Variants in ARL13B observed in about 807,000 individuals in gnomAD.
ARL13B encodes ADP-ribosylation factor-like protein 13B.
A neutral mutation model predicts 56.1 loss-of-function variants in ARL13B; 36 were observed. The ratio of observed to expected loss-of-function variants is 0.64; its 90% CI spans 0.49 to 0.85. The LOEUF (loss-of-function observed/expected upper bound fraction) is 0.85. ARL13B is among the 40% of genes least tolerant of loss of function. The probability of loss-of-function intolerance (pLI) is 0.00; values close to 1 mark genes in which losing one functional copy is unlikely to be tolerated. For synonymous variants in ARL13B, 178 were observed against 171.1 expected (o/e 1.04, Z -0.32); for missense variants, 519 against 507.1 (o/e 1.02, Z -0.23).
rs373375837 is a variant in ARL13B at position 94,049,403 on chromosome 3, T to A, written c.1025-3T>A. ...ATGAAGTTTCATGTTTATATTCTTG[T>A]AGCTAATGGTAAAAAGAAAACTAAG... On this transcript the variant is annotated splice_region_variant and splice_polypyrimidine_tract_variant and intron_variant, in intron 7 of 9. Coordinates refer to ENST00000394222, the MANE Select transcript of ARL13B (RefSeq NM_001174150.2). The A allele has an allele frequency of 8.4e-6, 13 of 1,545,670 alleles. No individual in the cohort carries two copies. In the South Asian group the frequency reaches 1.3e-4, roughly 15 times the overall value.
chr3:94,048,938 T>G (rs886736100), intron 7 of ARL13B, among the ~76,000 whole-genome samples: 7 of 152,172 alleles, frequency 4.6e-5, no homozygotes, highest in Non-Finnish European at 7.3e-5. Flanking sequence ...TTAGATTTGT[T>G]TAGGGCCTTT....
At chr3:94,034,285 A>G (rs2076729814) in intron 3 of ARL13B, among the ~76,000 whole-genome samples, 1 of 152,092 alleles carries the variant, frequency 6.6e-6, no homozygotes, top group African/African-American at 2.4e-5. Flanking sequence ...GATAATTTTT[A>G]AAGATAGGTG....
intron 3 of ARL13B, among the ~76,000 whole-genome samples, chr3:94,010,838 C>G (rs902868702): frequency 2.0e-5 from 3 of 151,732 alleles, no homozygotes; most frequent in African/African-American, 4.8e-5. Flanking sequence ...TATAATTGTA[C>G]TAATGAATAT....
In ARL13B at chr3:94,039,917, ACCAGTGG is replaced by A; in HGVS notation, c.728_734del (p.Thr243IlefsTer16). ...ACAGGAGCAGGCTGAACTCGATGGA[ACCAGTGG>A]TCTGGCTGAGTTGGACCCAGAACCA... On this transcript the variant is annotated frameshift_variant, in exon 6 of 10. Coordinates refer to ENST00000394222, the MANE Select transcript of ARL13B (RefSeq NM_001174150.2). LOFTEE classifies it high-confidence loss of function. 6.2e-7 allele frequency: 1 copy of A among 1,614,136 alleles called. No homozygotes were observed. Among genetic ancestry groups the A allele is most frequent in the Non-Finnish European group, 8.5e-7 (1 of 1,180,008 alleles).
At chr3:94,044,764 C>T (rs1352767986) in intron 7 of ARL13B, among the ~76,000 whole-genome samples, 65 of 141,626 alleles carry the variant, frequency 4.6e-4, no homozygotes, top group African/African-American at 1.7e-3. Context: ...TCTGCCCGGC[C>T]GCCCCGAATG....
At position 93,980,234 on chromosome 3, in the gene ARL13B, C is replaced by A; in HGVS notation, c.-190C>A. On this transcript the variant is annotated 5_prime_UTR_variant, in exon 1 of 10. Coordinates refer to ENST00000394222, the MANE Select transcript of ARL13B (RefSeq NM_001174150.2). ...TCAGGTTGTTCCTTGGCTAAGAGGG[C>A]AGTCGTCGCGGACCCACGCGGTTAG... 1.4e-6 allele frequency: 1 copy of A among 733,838 alleles called. No homozygotes were observed. Among genetic ancestry groups the A allele is most frequent in the East Asian group, 2.7e-5 (1 of 37,374 alleles). The allele number at this position is 733,838 out of a possible 1,614,324, so 45.5% of individuals were successfully genotyped here.
In ARL13B at chr3:93,980,399, G is replaced by A; in HGVS notation, c.-25G>A. 3 of 1,611,022 alleles carry A rather than the reference G, an allele frequency of 1.9e-6. No individual in the cohort carries two copies. The highest frequency in any genetic ancestry group is 2.5e-6 in the Non-Finnish European group (3 of 1,179,968). ...CGGTGTCCGCTCCGGGCTCGGATGG[G>A]AAGTGGTGGGAGGAGCGACCCGGGA... On this transcript the variant is annotated 5_prime_UTR_variant, in exon 1 of 10. Transcript: ENST00000394222.
chr3:94,051,051 T>C (rs2077059382), intron 9 of ARL13B, among the ~76,000 whole-genome samples, 159 bp downstream of exon 9: 1 of 152,176 alleles, frequency 6.6e-6, no homozygotes, highest in South Asian at 2.1e-4. Flanking sequence ...TTATTTAATT[T>C]TTTATTCTTA....
chr3:94,011,009 TA>T (rs981480995), intron 3 of ARL13B, among the ~76,000 whole-genome samples: 12 of 151,930 alleles, frequency 7.9e-5, no homozygotes, highest in African/African-American at 2.9e-4. Context: ...TATCTTTTTT[TA>T]ATAATGTTTC....
chr3:94,015,625 T>A (rs1440455813), intron 3 of ARL13B, among the ~76,000 whole-genome samples: 1 of 152,182 alleles, frequency 6.6e-6, no homozygotes, highest in Admixed American at 6.5e-5. Context: ...ACCTATAGGA[T>A]TAGTCTTCAG....
In ARL13B at chr3:94,043,003, A is replaced by T; in HGVS notation, c.799-12A>T. On this transcript the variant is annotated splice_polypyrimidine_tract_variant and intron_variant, in intron 6 of 9. Coordinates refer to ENST00000394222, the MANE Select transcript of ARL13B (RefSeq NM_001174150.2). ...CATCATAGTAAAGATAATGTATTTT[A>T]TTTTTTGTTAGAATGAAGGAAAACT... 1 of 1,584,132 alleles carries T rather than the reference A, an allele frequency of 6.3e-7. No homozygotes were observed. The highest frequency in any genetic ancestry group is 8.6e-7 in the Non-Finnish European group (1 of 1,161,834).
At chr3:94,053,106 AG>A (rs2077091897) in intron 9 of ARL13B, 80 bp from the exon 10 acceptor site, 1 of 1,118,484 alleles carries the variant, frequency 8.9e-7, no homozygotes, top group African/African-American at 1.5e-5. Context: ...AAATGTCTAA[AG>A]TCTAAAAAAT....
chr3:94,038,973 A>G (rs1261879779), intron 5 of ARL13B, among the ~76,000 whole-genome samples: 1 of 152,186 alleles, frequency 6.6e-6, no homozygotes, highest in African/African-American at 2.4e-5. Context: ...ACTGAACACT[A>G]TTATGGAAGT....
At chr3:94,050,736 A>T (rs2077053706) in intron 8 of ARL13B, 88 bp from the exon 9 acceptor site, 1 of 1,085,296 alleles carries the variant, frequency 9.2e-7, no homozygotes, top group Non-Finnish European at 1.4e-6. Context: ...AATGTTACAT[A>T]TGCTTCCTTT....
At chr3:94,001,166 T>A (rs953579143) in intron 2 of ARL13B, among the ~76,000 whole-genome samples, 1 of 152,058 alleles carries the variant, frequency 6.6e-6, no homozygotes, top group African/African-American at 2.4e-5. Flanking sequence ...AAAAAAGGAT[T>A]TATGGGGAAA....
At position 93,986,168 on chromosome 3, in the gene ARL13B, T is replaced by C. The variant is rs1288406522; in HGVS notation, c.59+5686T>C. Among the ~76,000 whole-genome samples, 25 of 152,186 alleles carry C rather than the reference T, an allele frequency of 1.6e-4. 1 individual carries two copies. The highest frequency in any genetic ancestry group is 1.6e-3 in the Admixed American group (25 of 15,282). ...ATTATGCATAGTAAGAATTTTAGAA[T>C]TTTAATATAGAAAAGGACCTAGAGA... is the stretch of plus-strand genomic sequence containing the variant. On this transcript the variant is annotated intron_variant, in intron 1 of 9. Coordinates refer to ENST00000394222, the MANE Select transcript of ARL13B (RefSeq NM_001174150.2).
Position 93,980,441 on chromosome 3 carries a change from C to T in ARL13B, c.18C>T (p.Ala6=), listed in dbSNP as rs572660435. ...GACCCGGGATGTTCAGTCTGATGGC[C>T]AGTTGCTGCGGCTGGTTCAAGCGGT... is the stretch of plus-strand genomic sequence containing the variant. MFSLM[A]SCCGWFKRWR... is the part of the protein sequence containing the mutation. Residue 6 remains alanine (A), a synonymous_variant, in exon 1 of 10, where the codon GCC becomes GCT. Transcript: ENST00000394222. The T allele has an allele frequency of 3.9e-5, 63 of 1,612,780 alleles. No individual in the cohort carries two copies. The highest frequency in any genetic ancestry group is 4.8e-5 in the Non-Finnish European group (57 of 1,179,984).
chr3:94,012,225 C>G (rs902478568), intron 3 of ARL13B, among the ~76,000 whole-genome samples: 2 of 152,116 alleles, frequency 1.3e-5, no homozygotes, highest in African/African-American at 4.8e-5. Flanking sequence ...TGACCCAAAT[C>G]TGTACTTCTG....
intron 1 of ARL13B, among the ~76,000 whole-genome samples, chr3:93,984,172 A>G (rs1264226080): frequency 6.6e-6 from 1 of 152,204 alleles, no homozygotes; most frequent in Non-Finnish European, 1.5e-5. Context: ...CCTGGCCAAC[A>G]TGGCGAAACC....
Sources: gnomAD v4.1 joint callset for allele counts (sites outside exome capture counted in the v4.1 genomes callset) on GRCh38, gnomAD v4.1.1 for gene constraint, MANE v1.5 for transcripts, NCBI Gene and HGNC (gene_info 2026-07-23, HGNC 2026-07-21) for gene names.